MTCH2: variants seen among roughly 807,000 people sequenced by gnomAD.
MTCH2 encodes the protein mitochondrial carrier 2.
A neutral mutation model predicts 50.6 loss-of-function variants in MTCH2; 25 were observed. The observed-to-expected ratio is 0.49, with a 90% CI of 0.36 to 0.69. The LOEUF is 0.69. MTCH2 is among the 30% of genes least tolerant of loss of function. MTCH2 has a pLI of 0.00. For synonymous variants in MTCH2, 106 were observed against 132.0 expected, an observed-to-expected ratio of 0.80 and a Z score of 1.35; for missense variants, 273 against 384.4, an observed-to-expected ratio of 0.71 and a Z score of 2.42.
At chr11:47,604,675 A>G in the MTCH2 span, among the ~76,000 whole-genome samples, 2 of 152,260 alleles carry the variant, frequency 1.3e-5, no homozygotes, top group Non-Finnish European at 1.5e-5. Context: ...AAATTATGAT[A>G]CATATATACA....
intron 12 of MTCH2, among the ~76,000 whole-genome samples, chr11:47,621,916 C>G (rs989531219): frequency 2.6e-5 from 4 of 152,118 alleles, no homozygotes; most frequent in African/African-American, 9.7e-5. Flanking sequence ...GTCACCCAGG[C>G]TGAAGTGCGG....
downstream of MTCH2, among the ~76,000 whole-genome samples, chr11:47,614,729 G>A (rs1333078575): frequency 6.6e-6 from 1 of 152,106 alleles, no homozygotes; most frequent in Non-Finnish European, 1.5e-5. Context: ...TTATAGGCAT[G>A]CGCCTCCATA....
rs1040257574 is a variant in MTCH2 at position 47,639,155 on chromosome 11, A to C, written c.88-104T>G. 122 of 1,002,122 alleles carry C rather than the reference A, an allele frequency of 1.2e-4. 4 individuals carry two copies. The South Asian group carries it at 1.9e-3, about 16-fold the overall frequency. The allele number at this position is 1,002,122 out of a possible 1,614,324, so 62.1% of individuals were successfully genotyped here. ...CACAATTTGGGTTATTTTTAAACAC[A>C]AGTAAAAATGCAGCATAGGTTTTCC... On this transcript the variant is annotated intron_variant, in intron 1 of 12. Coordinates refer to ENST00000302503, the MANE Select transcript of MTCH2 (RefSeq NM_014342.4).
At chr11:47,615,468 CAA>C, downstream of MTCH2, among the ~76,000 whole-genome samples, 1 of 152,052 alleles carries the variant, frequency 6.6e-6, no homozygotes, top group Non-Finnish European at 1.5e-5. Context: ...AGTGACTTCA[CAA>C]AGAGATGGCA....
Position 47,639,076 on chromosome 11 carries a change from A to G in MTCH2, c.88-25T>C, listed in dbSNP as rs770623205. The G allele has an allele frequency of 1.4e-5, 21 of 1,537,952 alleles. 1 individual carries two copies. The South Asian group carries it at 2.4e-4, about 17-fold the overall frequency. ...CCTTTAAAAACAATGGAATATATCA[A>G]TATTAAAGCAATATTTCCAGAAATG... is the stretch of plus-strand genomic sequence containing the variant. On this transcript the variant is annotated intron_variant, in intron 1 of 12. Coordinates refer to ENST00000302503, the MANE Select transcript of MTCH2 (RefSeq NM_014342.4).
At position 47,625,705 on chromosome 11, in the gene MTCH2, C is replaced by T. The variant is rs2097297473; in HGVS notation, c.718G>A (p.Val240Ile). The T allele has an allele frequency of 6.2e-7, 1 of 1,613,438 alleles. No homozygotes were observed. Among genetic ancestry groups the T allele is most frequent in the Non-Finnish European group, 8.5e-7 (1 of 1,179,570 alleles). ...TTGTTGACAGCCATAAGATTGGAGA[C>T]AAGCACAAAGGGATAGGTCAACATA... ...ASMLTYPFVL[V>I]SNLMAVNNCG... is the part of the protein sequence containing the mutation. Residue 240 changes from valine (V) to isoleucine (I), a missense_variant, in exon 11 of 13, where the codon GTC (valine) becomes ATC (isoleucine). By Grantham distance (29) the Val-to-Ile change is conservative. Around this residue, in one of 2 missense-constraint regions of MTCH2, gnomAD observed 70 missense variants for 140.1 expected, o/e 0.50. Transcript: ENST00000302503.
chr11:47,623,908 C>A (rs1344723807), intron 11 of MTCH2, among the ~76,000 whole-genome samples: 1 of 151,994 alleles, frequency 6.6e-6, no homozygotes, highest in Non-Finnish European at 1.5e-5. Flanking sequence ...AGAAATTAGC[C>A]GGGGGTGGTG....
At chr11:47,609,941 C>G in the MTCH2 span, among the ~76,000 whole-genome samples, 1 of 152,310 alleles carries the variant, frequency 6.6e-6, no homozygotes, top group African/African-American at 2.4e-5. Context: ...TTTCTAGAAG[C>G]AGAGGGAGGG....
At chr11:47,608,851 G>A in the MTCH2 span, among the ~76,000 whole-genome samples, 1 of 151,354 alleles carries the variant, frequency 6.6e-6, no homozygotes, top group Non-Finnish European at 1.5e-5. Context: ...CCAGCTACTT[G>A]GGAGGCTGAG....
chr11:47,607,860 TCTAA>T, the MTCH2 span, among the ~76,000 whole-genome samples: 5 of 152,202 alleles, frequency 3.3e-5, no homozygotes, highest in East Asian at 1.9e-4. Context: ...CTTCTGGGCA[TCTAA>T]CTAACTGTTG....
At position 47,622,713 on chromosome 11, in the gene MTCH2, C is replaced by T; in HGVS notation, c.813G>A (p.Met271Ile). Residue 271 changes from methionine (M) to isoleucine (I), a missense_variant, in exon 12 of 13, where the codon ATG (methionine) becomes ATA (isoleucine). Coordinates refer to ENST00000302503, the MANE Select transcript of MTCH2 (RefSeq NM_014342.4). ...IYTSWIDCWC[M>I]LQKEGNMSRG... is the part of the protein sequence containing the mutation. ...GAAAAAGAAATACCTCTTTTTGTAGCATGCACCAACAGTCTATCCAAGACG... is the reference window on the plus strand; with the variant it reads ...GAAAAAGAAATACCTCTTTTTGTAGTATGCACCAACAGTCTATCCAAGACG... 6.2e-7 allele frequency: 1 copy of T among 1,600,776 alleles called. No individual in the cohort carries two copies.
intron 5 of MTCH2, among the ~76,000 whole-genome samples, chr11:47,633,519 TA>T: frequency 1.0e-4 from 2 of 19,668 alleles, no homozygotes; most frequent in African/African-American, 2.8e-4. Context: ...TATATATATA[TA>T]TATATATTTT....
intron 4 of MTCH2, 35 bp from the exon 5 acceptor site, chr11:47,634,769 A>ATTTTTTTTTTT: frequency 2.7e-6 from 2 of 739,340 alleles, no homozygotes; most frequent in South Asian, 2.0e-5. Context: ...AGAGATCTTG[A>ATTTTTTTTTTT]TTTTTTTTTT....
At chr11:47,609,493 G>A in the MTCH2 span, among the ~76,000 whole-genome samples, 4 of 145,134 alleles carry the variant, frequency 2.8e-5, no homozygotes, top group Admixed American at 7.0e-5. Flanking sequence ...CAGGCATCAT[G>A]GCAGGTGCCT....
intron 1 of MTCH2, among the ~76,000 whole-genome samples, chr11:47,639,858 G>A (rs781040722): frequency 2.6e-5 from 4 of 151,230 alleles, no homozygotes; most frequent in East Asian, 1.9e-4. Flanking sequence ...ACAAACAAAC[G>A]AACAAACAAA....
chr11:47,615,577 G>T (rs1565958208), downstream of MTCH2, among the ~76,000 whole-genome samples: 2 of 151,716 alleles, frequency 1.3e-5, no homozygotes, highest in African/African-American at 2.4e-5. Flanking sequence ...GTATGCTGAG[G>T]TAACAGAGAT....
At chr11:47,624,626 C>T (rs1057073302) in intron 11 of MTCH2, among the ~76,000 whole-genome samples, 5 of 152,058 alleles carry the variant, frequency 3.3e-5, no homozygotes, top group Admixed American at 3.3e-4. Flanking sequence ...CAAAGTGAGA[C>T]CCTGTGTCTT....
intron 1 of MTCH2, among the ~76,000 whole-genome samples, chr11:47,641,087 G>T (rs1267701896): frequency 1.3e-5 from 2 of 152,058 alleles, no homozygotes; most frequent in African/African-American, 4.8e-5. Flanking sequence ...AGTAGAGACG[G>T]GGTTTCACCA....
chr11:47,641,628 T>C (rs1346839046), intron 1 of MTCH2, among the ~76,000 whole-genome samples: 3 of 152,224 alleles, frequency 2.0e-5, no homozygotes, highest in South Asian at 2.1e-4. Context: ...CATGTGAATA[T>C]AAAATACCAT....
Sources: allele counts gnomAD v4.1 joint callset (sites outside exome capture counted in the v4.1 genomes callset), GRCh38; gene constraint gnomAD v4.1.1; regional missense constraint gnomAD v4.1.1; transcripts MANE v1.5; gene names NCBI Gene and HGNC (gene_info 2026-07-23, HGNC 2026-07-21).